Variants in IL33 observed in about 807,000 individuals in gnomAD.
IL33 encodes interleukin-33.
Under a neutral mutation model 27.3 loss-of-function variants are expected in IL33, and 37 were observed. The ratio of observed to expected loss-of-function variants is 1.36; its 90% confidence interval spans 1.04 to 1.78. IL33 has a LOEUF of 1.78. Among genes scored for constraint, IL33 ranks in the 40% most tolerant of loss-of-function variants. The probability of loss-of-function intolerance (pLI) is 0.00; values close to 1 mark genes in which losing one functional copy is unlikely to be tolerated. For synonymous variants in IL33, 132 were observed against 102.9 expected, an observed-to-expected ratio of 1.28 and a Z score of -1.71; for missense variants, 406 against 311.4, an observed-to-expected ratio of 1.30 and a Z score of -2.29.
At chr9:6,249,579 T>C (rs915393683) in intron 2 of IL33, among the ~76,000 whole-genome samples, 1 of 152,226 alleles carries the variant, frequency 6.6e-6, no homozygotes, top group South Asian at 2.1e-4. Flanking sequence ...TAATTAACTT[T>C]TTTACTTTGA....
At chr9:6,254,746 T>C (rs1816630797) in intron 7 of IL33, among the ~76,000 whole-genome samples, 193 bp downstream of exon 7, 1 of 152,086 alleles carries the variant, frequency 6.6e-6, no homozygotes, top group African/African-American at 2.4e-5. Flanking sequence ...AAGTGGCATG[T>C]ATGGCTTTGC....
chr9:6,244,988 C>T (rs144519557), intron 2 of IL33, among the ~76,000 whole-genome samples: 527 of 152,304 alleles, frequency 3.5e-3, no homozygotes, highest in African/African-American at 0.012. Flanking sequence ...TACAGGACTT[C>T]ATGACCTGGA....
chr9:6,218,781 GTTCTCCATATATATA>G (rs1818274168), intron 1 of IL33, among the ~76,000 whole-genome samples: 1 of 89,160 alleles, frequency 1.1e-5, no homozygotes. Context: ...ATATATATAT[GTTCTCCATATATATA>G]TATGTTCTCC....
At chr9:6,215,390 T>C (rs1209219390), upstream of IL33, among the ~76,000 whole-genome samples, 2 of 152,236 alleles carry the variant, frequency 1.3e-5, no homozygotes, top group African/African-American at 4.8e-5. Flanking sequence ...TGCTTATTAC[T>C]GATAGGCCAA....
intron 1 of IL33, among the ~76,000 whole-genome samples, chr9:6,238,486 A>T (rs911133221): frequency 6.6e-6 from 1 of 152,220 alleles, no homozygotes; most frequent in South Asian, 2.1e-4. Flanking sequence ...GGTGGCATGC[A>T]CATAATGTTA....
At chr9:6,236,048 C>G (rs1371188595) in intron 1 of IL33, among the ~76,000 whole-genome samples, 1 of 151,618 alleles carries the variant, frequency 6.6e-6, no homozygotes, top group Non-Finnish European at 1.5e-5. Context: ...CACACACACA[C>G]ACACACACAC....
intron 3 of IL33, 27 bp from the exon 4 acceptor site, chr9:6,251,113 C>A: frequency 6.2e-7 from 1 of 1,608,526 alleles, no homozygotes; most frequent in South Asian, 1.1e-5. Flanking sequence ...GATTGATGGT[C>A]TATCCCTAAT....
At chr9:6,243,556 G>C (rs1277127397) in intron 2 of IL33, among the ~76,000 whole-genome samples, 2 of 152,008 alleles carry the variant, frequency 1.3e-5, no homozygotes, top group Non-Finnish European at 2.9e-5. Context: ...GGTTTCACCA[G>C]GTTGGCCAGG....
intron 2 of IL33, among the ~76,000 whole-genome samples, chr9:6,246,582 AAG>A (rs939208228): frequency 1.7e-4 from 26 of 152,246 alleles, no homozygotes; most frequent in African/African-American, 4.8e-4. Flanking sequence ...AATAAAAAAA[AAG>A]AGAGGTGGGA....
intron 1 of IL33, among the ~76,000 whole-genome samples, chr9:6,239,934 C>T (rs1819434398): frequency 6.6e-6 from 1 of 152,172 alleles, no homozygotes; most frequent in African/African-American, 2.4e-5. Context: ...TATGGGCACA[C>T]TGATATTGCT....
In IL33 at chr9:6,256,422, T is replaced by G. The variant is rs904819750; in HGVS notation, c.*254T>G. On this transcript the variant is annotated 3_prime_UTR_variant, in exon 8 of 8. Transcript: ENST00000682010. The stretch of plus-strand genomic sequence containing the variant: ...GGTATTGGTAAAGAAACGGTCAACA[T>G]TCTAAAGAGATACAGTCTGACCTTT... The G allele has an allele frequency of 5.9e-6, 3 of 509,158 alleles. No individual in the cohort carries two copies. In the South Asian group the frequency reaches 1.1e-4, roughly 19 times the overall value. 31.5% of individuals were successfully genotyped at this position (509,158 alleles called of 1,614,324 possible). A position where few individuals can be genotyped will look rare whatever the true frequency, so the allele number is the denominator to read the frequency against.
At chr9:6,236,662 G>C (rs1424974232) in intron 1 of IL33, among the ~76,000 whole-genome samples, 1 of 152,182 alleles carries the variant, frequency 6.6e-6, no homozygotes, top group East Asian at 1.9e-4. Flanking sequence ...GCGGTCAGGA[G>C]TTCAGGACCA....
At chr9:6,243,998 C>T (rs1056726783) in intron 2 of IL33, among the ~76,000 whole-genome samples, 2 of 152,300 alleles carry the variant, frequency 1.3e-5, no homozygotes, top group Non-Finnish European at 1.5e-5. Flanking sequence ...AGTCAAAATG[C>T]TCTCTGTAGA....
intron 1 of IL33, among the ~76,000 whole-genome samples, chr9:6,224,801 C>A (rs929939829): frequency 1.3e-5 from 2 of 152,178 alleles, no homozygotes; most frequent in Non-Finnish European, 2.9e-5. Context: ...CCCTTGCAAA[C>A]TGTTTTCCTT....
chr9:6,253,285 A>T (rs1816517893), intron 5 of IL33, among the ~76,000 whole-genome samples: 1 of 152,172 alleles, frequency 6.6e-6, no homozygotes, highest in African/African-American at 2.4e-5. Context: ...TATCCACCAG[A>T]TCTTTCTAGC....
intron 7 of IL33, among the ~76,000 whole-genome samples, chr9:6,254,914 T>C (rs1026789369): frequency 2.6e-5 from 4 of 152,154 alleles, no homozygotes; most frequent in Non-Finnish European, 4.4e-5. Context: ...CACTGTTACA[T>C]AGAATGATCT....
At chr9:6,220,282 T>A (rs1032567282) in intron 1 of IL33, among the ~76,000 whole-genome samples, 1 of 152,204 alleles carries the variant, frequency 6.6e-6, no homozygotes, top group Non-Finnish European at 1.5e-5. Flanking sequence ...ATGATTGTCA[T>A]AATTTTCCCT....
rs1364873247 is a variant in IL33, at chr9:6,257,874, C to A, written c.*1706C>A. ...TGTATATCATCCCATCTGAAAAACA[C>A]TAATTATTGACATGTGCATCTGTAC... On this transcript the variant is annotated 3_prime_UTR_variant, in exon 8 of 8. Coordinates refer to ENST00000682010, the MANE Select transcript of IL33 (RefSeq NM_033439.4). The A allele has an allele frequency of 6.6e-6, 1 of 152,100 alleles. No homozygotes were observed. Among genetic ancestry groups the A allele is most frequent in the Non-Finnish European group, 1.5e-5 (1 of 68,024 alleles). 9.4% of individuals were successfully genotyped at this position (152,100 alleles called of 1,614,324 possible).
chr9:6,229,492 C>T (rs527876595), intron 1 of IL33, among the ~76,000 whole-genome samples: 3 of 152,302 alleles, frequency 2.0e-5, no homozygotes, highest in South Asian at 2.1e-4. Flanking sequence ...AACAAGAAGA[C>T]GTGCGTTCTA....
Sources: gnomAD v4.1 joint callset for allele counts (sites outside exome capture counted in the v4.1 genomes callset) on GRCh38, gnomAD v4.1.1 for gene constraint, MANE v1.5 for transcripts, NCBI Gene and HGNC (gene_info 2026-07-23, HGNC 2026-07-21) for gene names.